Variants in ARHGAP26 observed in about 807,000 individuals in gnomAD.
ARHGAP26 encodes rho GTPase-activating protein 26.
ARHGAP26 carries 38 observed loss-of-function variants against 104.8 expected under a neutral mutation model. That is an observed-to-expected ratio of 0.36 (90% CI 0.28 to 0.48). The LOEUF is 0.48. ARHGAP26 is among the 20% of genes least tolerant of loss of function. The pLI, the probability that ARHGAP26 is intolerant of heterozygous loss-of-function variation, is 0.99. For missense variants in ARHGAP26, 704 were observed against 947.9 expected (o/e 0.74, Z 3.38); for synonymous variants, 341 against 340.0 (o/e 1.00, Z -0.03).
intron 11 of ARHGAP26, among the ~76,000 whole-genome samples, chr5:143,009,933 A>G (rs1778511254): frequency 6.7e-6 from 1 of 149,836 alleles, no homozygotes; most frequent in Admixed American, 6.6e-5. Context: ...GCTCCTGGAG[A>G]GTTGAGTTCT....
Position 142,917,229 on chromosome 5 carries a change from C to T in ARHGAP26, c.1028+3936C>T, listed in dbSNP as rs187624052. 9.9e-5 allele frequency among the ~76,000 whole-genome samples: 15 copies of T among 151,960 alleles called. No individual in the cohort carries two copies. In the East Asian group the frequency reaches 1.5e-3, roughly 16 times the overall value. On this transcript the variant is annotated intron_variant, in intron 10 of 22. Transcript: ENST00000645722. ...TAATTTTGTATTTTTAGTAGAGATG[C>T]GGTTTCGCCATGTTGACCAGGCTGG...
At chr5:143,182,332 G>A (rs549369123) in intron 20 of ARHGAP26, among the ~76,000 whole-genome samples, 1 of 152,272 alleles carries the variant, frequency 6.6e-6, no homozygotes, top group Admixed American at 6.5e-5. Context: ...CTGAAGAGTG[G>A]CTTGCAGATG....
intron 11 of ARHGAP26, among the ~76,000 whole-genome samples, chr5:142,937,292 C>T (rs538537865): frequency 2.0e-5 from 3 of 152,216 alleles, no homozygotes; most frequent in Non-Finnish European, 4.4e-5. Flanking sequence ...CGAATAAGCA[C>T]AGGAAAAGAT....
intron 11 of ARHGAP26, among the ~76,000 whole-genome samples, chr5:143,007,194 GAAAAAAA>G (rs34602049): frequency 4.3e-5 from 3 of 69,584 alleles, no homozygotes; most frequent in Non-Finnish European, 8.5e-5. Context: ...CTCTGTCTCC[GAAAAAAA>G]AAAAAAAAAA....
intron 22 of ARHGAP26, chr5:143,216,336 A>C: frequency 2.1e-6 from 1 of 468,520 alleles, no homozygotes; most frequent in Non-Finnish European, 4.4e-6. Flanking sequence ...CAGAGCAGCG[A>C]GAGTGATCTT....
At chr5:142,961,253 G>A (rs1770180555) in intron 11 of ARHGAP26, among the ~76,000 whole-genome samples, 1 of 152,158 alleles carries the variant, frequency 6.6e-6, no homozygotes, top group Admixed American at 6.5e-5. Context: ...CACTTTGGGA[G>A]GCTGAGGTGG....
chr5:142,907,657 C>A, intron 8 of ARHGAP26, 47 bp from the exon 9 acceptor site: 2 of 1,326,112 alleles, frequency 1.5e-6, no homozygotes, highest in Non-Finnish European at 2.1e-6. Flanking sequence ...TGATGTATAG[C>A]ATACAGTGGA....
chr5:142,841,532 G>A (rs1770799844), intron 1 of ARHGAP26, among the ~76,000 whole-genome samples: 3 of 152,182 alleles, frequency 2.0e-5, no homozygotes, highest in Admixed American at 6.5e-5. Flanking sequence ...CCTAGCTGGA[G>A]GTGACTGTTT....
At chr5:143,083,503 T>A (rs1484941575) in intron 17 of ARHGAP26, among the ~76,000 whole-genome samples, 1 of 152,146 alleles carries the variant, frequency 6.6e-6, no homozygotes, top group African/African-American at 2.4e-5. Flanking sequence ...TTACTTCTTT[T>A]TGTTGTTGTT....
chr5:142,933,965 A>T (rs1765073789), intron 11 of ARHGAP26, among the ~76,000 whole-genome samples: 1 of 152,074 alleles, frequency 6.6e-6, no homozygotes, highest in Admixed American at 6.6e-5. Context: ...ACTTTCACTC[A>T]CTCCCTTGAA....
intron 1 of ARHGAP26, among the ~76,000 whole-genome samples, chr5:142,872,796 G>A (rs1255575075): frequency 6.6e-6 from 1 of 152,226 alleles, no homozygotes; most frequent in Non-Finnish European, 1.5e-5. Context: ...GCTTTGTCAG[G>A]CTGGTGGTCC....
At chr5:142,919,286 G>A in intron 10 of ARHGAP26, 1 of 398,650 alleles carries the variant, frequency 2.5e-6, no homozygotes, top group East Asian at 3.6e-5. Flanking sequence ...TCGAGGTGAT[G>A]CACCTACAAG....
At chr5:143,029,072 C>A (rs1781477593) in intron 12 of ARHGAP26, among the ~76,000 whole-genome samples, 1 of 152,086 alleles carries the variant, frequency 6.6e-6, no homozygotes, top group African/African-American at 2.4e-5. Context: ...CCCTGGCAAC[C>A]CTGGGGCTTC....
At chr5:142,860,991 A>C (rs916551340) in intron 1 of ARHGAP26, among the ~76,000 whole-genome samples, 20 of 152,052 alleles carry the variant, frequency 1.3e-4, no homozygotes, top group Non-Finnish European at 2.6e-4. Flanking sequence ...CTCTTGCAAC[A>C]CCTATTGCAA....
At chr5:142,802,147 T>C (rs1031156454) in intron 1 of ARHGAP26, among the ~76,000 whole-genome samples, 3 of 152,230 alleles carry the variant, frequency 2.0e-5, no homozygotes, top group African/African-American at 7.2e-5. Flanking sequence ...CTTTTTACAG[T>C]AATGGCTACA....
chr5:143,183,073 CAAA>C (rs70991799), intron 20 of ARHGAP26, among the ~76,000 whole-genome samples: 6 of 89,922 alleles, frequency 6.7e-5, no homozygotes, highest in Admixed American at 3.9e-4. Flanking sequence ...TGAAAAGTGG[CAAA>C]AAAAAAAAAA....
chr5:142,802,727 G>A (rs548707996), intron 1 of ARHGAP26, among the ~76,000 whole-genome samples: 59 of 152,172 alleles, frequency 3.9e-4, no homozygotes, highest in African/African-American at 1.4e-3. Flanking sequence ...GCACATACTA[G>A]GGCACTGGAA....
At chr5:142,941,307 A>G (rs1766315574) in intron 11 of ARHGAP26, among the ~76,000 whole-genome samples, 1 of 151,974 alleles carries the variant, frequency 6.6e-6, no homozygotes, top group African/African-American at 2.4e-5. Context: ...AGCCATTCTG[A>G]CTGGTATGAG....
intron 19 of ARHGAP26, among the ~76,000 whole-genome samples, chr5:143,138,388 T>A (rs1230848684): frequency 6.6e-6 from 1 of 152,144 alleles, no homozygotes; most frequent in East Asian, 1.9e-4. Context: ...GATGGGGAAA[T>A]GCAGGATTTA....
Sources: gnomAD v4.1 joint callset for allele counts (sites outside exome capture counted in the v4.1 genomes callset) on GRCh38, gnomAD v4.1.1 for gene constraint, MANE v1.5 for transcripts, NCBI Gene and HGNC (gene_info 2026-07-23, HGNC 2026-07-21) for gene names.